The following COL21A1 variants were observed in gnomAD, a reference collection of about 807,000 sequenced individuals.
COL21A1 encodes collagen type XXI alpha 1 chain.
A neutral mutation model predicts 137.9 loss-of-function variants in COL21A1; 149 were observed. The ratio of observed to expected loss-of-function variants is 1.08; its 90% CI spans 0.95 to 1.24. The LOEUF (loss-of-function observed/expected upper bound fraction) is 1.24, where lower values mean the gene tolerates loss of function less well. COL21A1 is among the 50% of genes most tolerant of loss of function. COL21A1 has a pLI of 0.00. For missense variants in COL21A1, 1,167 were observed against 1,158.4 expected (o/e 1.01, Z -0.11); for synonymous variants, 456 against 391.5 (o/e 1.16, Z -1.95).
intron 19 of COL21A1, 28 bp downstream of exon 19, chr6:56,075,451 A>T: frequency 6.6e-7 from 1 of 1,525,292 alleles, no homozygotes; most frequent in Non-Finnish European, 8.8e-7. Context: ...AAACACTTTG[A>T]TGTATGATGA....
Position 56,170,942 on chromosome 6 carries a change from T to C in COL21A1, c.809+18A>G, listed in dbSNP as rs1291386629. ...GACATATCCCCCCAAAAAAGTTGTGTCAACATATAATGCATACCTTGTGAG... is the reference window on the plus strand; with the variant it reads ...GACATATCCCCCCAAAAAAGTTGTGCCAACATATAATGCATACCTTGTGAG... On this transcript the variant is annotated intron_variant, in intron 4 of 29. Coordinates refer to ENST00000244728, the MANE Select transcript of COL21A1 (RefSeq NM_030820.4). 1 of 1,593,642 alleles carries C rather than the reference T, an allele frequency of 6.3e-7. No individual in the cohort carries two copies. Among genetic ancestry groups the C allele is most frequent in the East Asian group, 2.2e-5 (1 of 44,692 alleles).
At chr6:56,156,240 A>G (rs1336231755) in intron 10 of COL21A1, among the ~76,000 whole-genome samples, 1 of 152,210 alleles carries the variant, frequency 6.6e-6, no homozygotes, top group Non-Finnish European at 1.5e-5. Context: ...ATTTTGAAGT[A>G]AGATAACTAA....
intron 20 of COL21A1, 136 bp from the exon 21 acceptor site, chr6:56,070,934 A>C: frequency 1.5e-6 from 1 of 678,074 alleles, no homozygotes; most frequent in Non-Finnish European, 2.4e-6. Context: ...GACTCTGTAC[A>C]TTAGACCTAT....
intron 16 of COL21A1, among the ~76,000 whole-genome samples, chr6:56,112,225 C>T (rs1771492343): frequency 6.6e-6 from 1 of 152,088 alleles, no homozygotes; most frequent in Non-Finnish European, 1.5e-5. Flanking sequence ...ATAACTGAAT[C>T]TCCCTATGGG....
At chr6:56,333,618 G>A (rs1325164365) in intron 1 of COL21A1, among the ~76,000 whole-genome samples, 1 of 152,106 alleles carries the variant, frequency 6.6e-6, no homozygotes. Flanking sequence ...TTGTATGGAT[G>A]TATGCTTTCT....
intron 16 of COL21A1, among the ~76,000 whole-genome samples, chr6:56,102,009 T>C (rs544440505): frequency 2.0e-5 from 3 of 152,276 alleles, no homozygotes; most frequent in South Asian, 2.1e-4. Context: ...CTTTAGTATA[T>C]ACGTATTTAA....
intron 3 of COL21A1, among the ~76,000 whole-genome samples, chr6:56,179,252 A>T (rs1290834280): frequency 6.6e-6 from 1 of 152,080 alleles, no homozygotes; most frequent in African/African-American, 2.4e-5. Flanking sequence ...ATTTATATAT[A>T]TTTTTATTCT....
intron 1 of COL21A1, among the ~76,000 whole-genome samples, chr6:56,218,906 T>A (rs750204488): frequency 6.6e-6 from 1 of 152,092 alleles, no homozygotes; most frequent in Non-Finnish European, 1.5e-5. Context: ...CTGAAGCTAA[T>A]CCTCTTATAA....
At chr6:56,299,973 G>C (rs1764243297) in intron 1 of COL21A1, among the ~76,000 whole-genome samples, 2 of 152,016 alleles carry the variant, frequency 1.3e-5, no homozygotes, top group South Asian at 4.1e-4. Flanking sequence ...TTTGTAAGCT[G>C]TTTTCTAAAA....
chr6:56,090,956 G>C (rs12196526), intron 17 of COL21A1, among the ~76,000 whole-genome samples: 23,080 of 152,042 alleles, frequency 0.15, 1,777 homozygotes, highest in Middle Eastern at 0.22. Flanking sequence ...CTGTACAAAA[G>C]ACTGAAACAT....
chr6:56,125,688 C>T (rs533529748), intron 13 of COL21A1, 68 bp from the exon 14 acceptor site: 8 of 1,036,604 alleles, frequency 7.7e-6, no homozygotes, highest in Middle Eastern at 3.2e-4. Context: ...AGAAAAAATA[C>T]AGATTATAAG....
intron 1 of COL21A1, among the ~76,000 whole-genome samples, chr6:56,282,837 A>C (rs1361965734): frequency 6.6e-6 from 1 of 152,200 alleles, no homozygotes; most frequent in Non-Finnish European, 1.5e-5. Flanking sequence ...AAGATTCCCC[A>C]CTACTGAAAA....
intron 5 of COL21A1, among the ~76,000 whole-genome samples, chr6:56,169,043 T>C (rs1210017704): frequency 6.6e-6 from 1 of 152,004 alleles, no homozygotes; most frequent in Non-Finnish European, 1.5e-5. Context: ...CCCTACGTAA[T>C]AGCATCCTCT....
intron 20 of COL21A1, among the ~76,000 whole-genome samples, chr6:56,071,857 G>T (rs1766783767): frequency 6.6e-6 from 1 of 151,454 alleles, no homozygotes; most frequent in Non-Finnish European, 1.5e-5. Flanking sequence ...GGATGTGCAG[G>T]TTTGTTACAT....
intron 1 of COL21A1, among the ~76,000 whole-genome samples, chr6:56,389,445 A>G (rs967895810): frequency 6.6e-6 from 1 of 152,134 alleles, no homozygotes; most frequent in African/African-American, 2.4e-5. Context: ...AAGAAAGTAG[A>G]CTTAAAATGA....
intron 1 of COL21A1, among the ~76,000 whole-genome samples, chr6:56,380,163 A>T (rs1287072965): frequency 1.3e-5 from 2 of 151,656 alleles, no homozygotes; most frequent in African/African-American, 2.4e-5. Flanking sequence ...AGACCCTAGC[A>T]CCTCCTCCCC....
At chr6:56,071,609 T>C (rs1582244017) in intron 20 of COL21A1, among the ~76,000 whole-genome samples, 1 of 151,556 alleles carries the variant, frequency 6.6e-6, no homozygotes, top group African/African-American at 2.4e-5. Flanking sequence ...AAAAAAGTTT[T>C]GTAGGCTGCT....
chr6:56,118,213 A>C (rs1345243241), intron 16 of COL21A1, among the ~76,000 whole-genome samples: 1 of 151,912 alleles, frequency 6.6e-6, no homozygotes, highest in Non-Finnish European at 1.5e-5. Flanking sequence ...AAAAAAGGAT[A>C]CCCAAATAAA....
chr6:56,289,697 T>C (rs1253841745), intron 1 of COL21A1, among the ~76,000 whole-genome samples: 3 of 152,166 alleles, frequency 2.0e-5, no homozygotes, highest in South Asian at 2.1e-4. Flanking sequence ...AATACCAACC[T>C]GGAGAGTCAT....
Sources: allele counts gnomAD v4.1 joint callset (sites outside exome capture counted in the v4.1 genomes callset), GRCh38; gene constraint gnomAD v4.1.1; transcripts MANE v1.5; gene names NCBI Gene and HGNC (gene_info 2026-07-23, HGNC 2026-07-21).